Variants in RCHY1 observed in about 807,000 individuals in gnomAD.
RCHY1 encodes the protein ring finger and CHY zinc finger domain containing 1.
Under a neutral mutation model 41.6 loss-of-function variants are expected in RCHY1, and 21 were observed. The ratio of observed to expected loss-of-function variants is 0.51; its 90% CI spans 0.36 to 0.73. The LOEUF (loss-of-function observed/expected upper bound fraction) is 0.73, where lower values mean the gene tolerates loss of function less well. Among genes scored for constraint, RCHY1 ranks in the 30% least tolerant of loss-of-function variants. RCHY1 has a pLI of 0.00. For synonymous variants in RCHY1, 79 were observed against 102.9 expected (o/e 0.77, Z 1.41); for missense variants, 265 against 325.3 (o/e 0.81, Z 1.43).
At chr4:75,506,626 T>A in intron 3 of RCHY1, among the ~76,000 whole-genome samples, 2 of 146,838 alleles carry the variant, frequency 1.4e-5, no homozygotes, top group African/African-American at 5.1e-5. Context: ...AAAATCAAAG[T>A]AGGAGAAATA....
At chr4:75,483,545 A>G (rs1721714757) in intron 8 of RCHY1, among the ~76,000 whole-genome samples, 1 of 152,212 alleles carries the variant, frequency 6.6e-6, no homozygotes, top group Non-Finnish European at 1.5e-5. Flanking sequence ...ATATTTTAAA[A>G]AGCACCAAAT....
intron 7 of RCHY1, 88 bp from the exon 8 acceptor site, chr4:75,490,789 T>A: frequency 1.0e-6 from 1 of 960,296 alleles, no homozygotes; most frequent in Non-Finnish European, 1.5e-6. Flanking sequence ...AACTGCCACA[T>A]GAACCATTCA....
chr4:75,508,307 G>A (rs1018086623), intron 3 of RCHY1, among the ~76,000 whole-genome samples: 1 of 151,912 alleles, frequency 6.6e-6, no homozygotes, highest in Non-Finnish European at 1.5e-5. Flanking sequence ...TAAAATACTC[G>A]AGATTTTTAA....
intron 3 of RCHY1, among the ~76,000 whole-genome samples, chr4:75,496,287 T>G (rs1723196836): frequency 6.6e-6 from 1 of 152,006 alleles, no homozygotes; most frequent in Non-Finnish European, 1.5e-5. Flanking sequence ...AATTGCTCAT[T>G]TATTGCCTAG....
In RCHY1 at chr4:75,480,478, T is replaced by A. The variant is rs938941772; in HGVS notation, c.*2060A>T. On this transcript the variant is annotated 3_prime_UTR_variant, in exon 9 of 9. Coordinates refer to ENST00000324439, the MANE Select transcript of RCHY1 (RefSeq NM_015436.4). ...CCCAACTCCAACATATAGTGTCTGT[T>A]ATTTACCCCCAATGTGTCATTTTAA... is the stretch of plus-strand genomic sequence containing the variant. 3.6e-4 allele frequency: 55 copies of A among 152,314 alleles called. No individual in the cohort carries two copies. The highest frequency in any genetic ancestry group is 1.2e-3 in the African/African-American group (51 of 41,586). 9.4% of individuals were successfully genotyped at this position (152,314 alleles called of 1,614,324 possible).
At chr4:75,486,171 T>C (rs1721982516) in intron 8 of RCHY1, among the ~76,000 whole-genome samples, 1 of 152,152 alleles carries the variant, frequency 6.6e-6, no homozygotes, top group Non-Finnish European at 1.5e-5. Context: ...CTGTAAGTGG[T>C]ACGTAAATTC....
chr4:75,485,334 G>A (rs1721903147), intron 8 of RCHY1, among the ~76,000 whole-genome samples: 1 of 152,174 alleles, frequency 6.6e-6, no homozygotes, highest in Admixed American at 6.5e-5. Flanking sequence ...AACGATCTAT[G>A]GAACTAAAGT....
intron 3 of RCHY1, among the ~76,000 whole-genome samples, chr4:75,499,567 C>T (rs1046131843): frequency 2.6e-5 from 4 of 152,170 alleles, no homozygotes; most frequent in African/African-American, 9.7e-5. Flanking sequence ...GGTATATGTA[C>T]ACTACGGAGT....
At chr4:75,502,186 T>C (rs1723840078) in intron 3 of RCHY1, among the ~76,000 whole-genome samples, 1 of 152,182 alleles carries the variant, frequency 6.6e-6, no homozygotes, top group African/African-American at 2.4e-5. Flanking sequence ...GTCTAGTTCT[T>C]TTTTTAATCA....
chr4:75,485,922 T>C (rs957227185), intron 8 of RCHY1, among the ~76,000 whole-genome samples: 4 of 152,224 alleles, frequency 2.6e-5, no homozygotes, highest in Non-Finnish European at 5.9e-5. Context: ...CTGTTGAATA[T>C]AATTCAACAC....
chr4:75,502,072 C>G (rs1286663772), intron 3 of RCHY1, among the ~76,000 whole-genome samples: 3 of 139,232 alleles, frequency 2.2e-5, no homozygotes, highest in Admixed American at 2.1e-4. Flanking sequence ...AACTCTGTCT[C>G]AAAAAAAAAA....
At chr4:75,493,625 C>T (rs1429473604) in intron 4 of RCHY1, among the ~76,000 whole-genome samples, 1 of 151,666 alleles carries the variant, frequency 6.6e-6, no homozygotes, top group African/African-American at 2.4e-5. Flanking sequence ...TAATGTAATA[C>T]TTTATTAGAT....
intron 4 of RCHY1, 53 bp from the exon 5 acceptor site, chr4:75,491,986 A>G: frequency 7.5e-7 from 1 of 1,339,780 alleles, no homozygotes; most frequent in African/African-American, 1.5e-5. Context: ...TTAAAATGTC[A>G]GGTATAAAAA....
intron 3 of RCHY1, among the ~76,000 whole-genome samples, chr4:75,501,022 A>G (rs1201632756): frequency 6.6e-6 from 1 of 152,088 alleles, no homozygotes; most frequent in African/African-American, 2.4e-5. Flanking sequence ...ATATGTATAT[A>G]TTTTTAGACA....
intron 1 of RCHY1, chr4:75,513,973 T>C: frequency 1.8e-6 from 1 of 566,082 alleles, no homozygotes. Flanking sequence ...GCCTAATCAC[T>C]TCCCAAGAAG....
chr4:75,507,894 G>A (rs75140816), intron 3 of RCHY1, among the ~76,000 whole-genome samples: 2 of 152,174 alleles, frequency 1.3e-5, no homozygotes, highest in East Asian at 3.9e-4. Flanking sequence ...CAGCATACTG[G>A]TTACCTTTGG....
chr4:75,507,787 G>A (rs1258145837), intron 3 of RCHY1, among the ~76,000 whole-genome samples: 4 of 152,088 alleles, frequency 2.6e-5, no homozygotes, highest in Non-Finnish European at 4.4e-5. Context: ...ATAATTTTAA[G>A]TATGTGACCG....
At chr4:75,512,577 T>A (rs922952715) in intron 1 of RCHY1, among the ~76,000 whole-genome samples, 1 of 152,158 alleles carries the variant, frequency 6.6e-6, no homozygotes, top group Non-Finnish European at 1.5e-5. Flanking sequence ...TCCTAGAATA[T>A]ACAAACATGC....
At chr4:75,488,271 A>T (rs1219680855) in intron 8 of RCHY1, among the ~76,000 whole-genome samples, 1 of 129,282 alleles carries the variant, frequency 7.7e-6, no homozygotes, top group Non-Finnish European at 1.8e-5. Flanking sequence ...CTTGTCAATC[A>T]TGTCTTTAAC....
Sources: allele counts gnomAD v4.1 joint callset (sites outside exome capture counted in the v4.1 genomes callset), GRCh38; gene constraint gnomAD v4.1.1; transcripts MANE v1.5; gene names NCBI Gene and HGNC (gene_info 2026-07-23, HGNC 2026-07-21).